YJU2: variants seen among roughly 807,000 people sequenced by gnomAD.
YJU2 encodes the protein YJU2 splicing factor homolog.
A neutral mutation model predicts 39.6 loss-of-function variants in YJU2; 28 were observed. That is an observed-to-expected ratio of 0.71 (90% CI 0.52 to 0.97). The LOEUF (loss-of-function observed/expected upper bound fraction) is 0.97, where lower values mean the gene tolerates loss of function less well. Among genes scored for constraint, YJU2 ranks in the 50% least tolerant of loss-of-function variants. The pLI is 0.00. For missense variants in YJU2, 328 were observed against 430.4 expected, an observed-to-expected ratio of 0.76 and a Z score of 2.11; for synonymous variants, 184 against 182.4, an observed-to-expected ratio of 1.01 and a Z score of -0.07.
At chr19:4,257,261 A>G (rs1314350269) in intron 4 of YJU2, among the ~76,000 whole-genome samples, 1 of 152,042 alleles carries the variant, frequency 6.6e-6, no homozygotes, top group African/African-American at 2.4e-5. Context: ...CCCGGTGTAC[A>G]GTAGGTGCTC....
chr19:4,255,627 G>A (rs969632122), intron 4 of YJU2, among the ~76,000 whole-genome samples: 6 of 151,796 alleles, frequency 4.0e-5, no homozygotes, highest in African/African-American at 1.2e-4. Context: ...TACTCGGGAG[G>A]CTGAGGCAGA....
intron 4 of YJU2, among the ~76,000 whole-genome samples, chr19:4,254,887 C>A (rs952320578): frequency 6.6e-6 from 1 of 151,922 alleles, no homozygotes; most frequent in African/African-American, 2.4e-5. Context: ...GAAACCCCGT[C>A]TCTACTAAAA....
At chr19:4,251,005 A>T in intron 2 of YJU2, 22 bp from the exon 3 acceptor site, 1 of 1,612,446 alleles carries the variant, frequency 6.2e-7, no homozygotes, top group Non-Finnish European at 8.5e-7. Flanking sequence ...GACAGCTCAC[A>T]TCCCTACATG....
intron 4 of YJU2, among the ~76,000 whole-genome samples, chr19:4,256,249 T>A (rs969888478): frequency 6.6e-6 from 1 of 150,418 alleles, no homozygotes; most frequent in Non-Finnish European, 1.5e-5. Context: ...CATATATATA[T>A]AAAACAGATT....
chr19:4,268,323 G>A (rs181892337), intron 7 of YJU2, among the ~76,000 whole-genome samples: 5 of 152,334 alleles, frequency 3.3e-5, no homozygotes, highest in Admixed American at 3.3e-4. Flanking sequence ...TGAACTTTGC[G>A]CCATTTCCAT....
intron 4 of YJU2, among the ~76,000 whole-genome samples, chr19:4,257,188 T>G (rs1352179738): frequency 1.3e-5 from 2 of 152,094 alleles, no homozygotes. Context: ...CAGTTTCCGT[T>G]TCTGTAAAAT....
At position 4,258,443 on chromosome 19, in the gene YJU2, A is replaced by C; in HGVS notation, c.587+20A>C. On this transcript the variant is annotated intron_variant, in intron 5 of 7. Transcript: ENST00000262962. ...GACCGCGTGAGTCAGGGCCGGCCCA[A>C]CCCAGCCCCACCTCGCAGCCTCTGC... The C allele has an allele frequency of 6.4e-7, 1 of 1,561,220 alleles. No individual in the cohort carries two copies. The highest frequency in any genetic ancestry group is 8.7e-7 in the Non-Finnish European group (1 of 1,153,046).
intron 6 of YJU2, among the ~76,000 whole-genome samples, chr19:4,264,967 T>C (rs1365541732): frequency 1.3e-5 from 2 of 152,178 alleles, no homozygotes; most frequent in African/African-American, 4.8e-5. Flanking sequence ...GTCCTCTGAT[T>C]AGAGTTCTCA....
At position 4,247,626 on chromosome 19, in the gene YJU2, T is replaced by C. The variant is rs1311425172; in HGVS notation, c.24+456T>C. Among the ~76,000 whole-genome samples the C allele has an allele frequency of 6.4e-3, 196 of 30,826 alleles. 19 individuals carry two copies. The highest frequency in any genetic ancestry group is 0.019 in the East Asian group (16 of 850). 20.2% of individuals were successfully genotyped at this position (30,826 alleles called of 152,430 possible). On this transcript the variant is annotated intron_variant, in intron 1 of 7. Transcript: ENST00000262962. ...GTGTGTGTGTGTGTGTGTGTGTGTG[T>C]GTGTGTGTGTGTGTGTGTGTGTGTG...
intron 5 of YJU2, among the ~76,000 whole-genome samples, chr19:4,260,759 C>T (rs997602171): frequency 2.0e-5 from 3 of 151,994 alleles, no homozygotes; most frequent in East Asian, 1.9e-4. Context: ...TGCATCTGGC[C>T]CCTTTAATCT....
intron 4 of YJU2, among the ~76,000 whole-genome samples, chr19:4,255,055 C>T (rs1971008336): frequency 2.0e-5 from 2 of 102,134 alleles, no homozygotes; most frequent in South Asian, 6.7e-4. Context: ...GATTCTGTCT[C>T]CAAAAAAAAA....
intron 6 of YJU2, among the ~76,000 whole-genome samples, chr19:4,264,261 CAAA>C (rs748910280): frequency 6.8e-5 from 3 of 43,948 alleles, no homozygotes; most frequent in Non-Finnish European, 1.3e-4. Context: ...GACTCTGTCT[CAAA>C]AAAAAAAAAA....
At chr19:4,256,687 TG>T (rs1971023988) in intron 4 of YJU2, among the ~76,000 whole-genome samples, 1 of 152,184 alleles carries the variant, frequency 6.6e-6, no homozygotes, top group Non-Finnish European at 1.5e-5. Flanking sequence ...GTCAAGGTGT[TG>T]GCCAGGGCAG....
At chr19:4,250,973 C>G in intron 2 of YJU2, 54 bp from the exon 3 acceptor site, 1 of 1,584,950 alleles carries the variant, frequency 6.3e-7, no homozygotes, top group Non-Finnish European at 8.6e-7. Flanking sequence ...GGACAGCCTG[C>G]CAGTGGGAGC....
Position 4,254,500 on chromosome 19 carries a change from G to A in YJU2, c.405+11G>A, listed in dbSNP as rs778915702. The A allele has an allele frequency of 2.5e-6, 4 of 1,573,388 alleles. No homozygotes were observed. The highest frequency in any genetic ancestry group is 3.5e-6 in the Non-Finnish European group (4 of 1,157,960). ...AACAACCCCATGAAGGTGAGTCGGG[G>A]GCCATGTAGGTGTTCATGGGCGCTG... On this transcript the variant is annotated intron_variant, in intron 4 of 7. Transcript: ENST00000262962.
intron 1 of YJU2, among the ~76,000 whole-genome samples, chr19:4,249,015 T>TG (rs1400410335): frequency 6.6e-6 from 1 of 152,172 alleles, no homozygotes; most frequent in Non-Finnish European, 1.5e-5. Flanking sequence ...GAGAATTAAA[T>TG]GCGTCCTGTA....
intron 4 of YJU2, among the ~76,000 whole-genome samples, chr19:4,257,183 T>G (rs1971028334): frequency 6.6e-6 from 1 of 152,148 alleles, no homozygotes; most frequent in Non-Finnish European, 1.5e-5. Flanking sequence ...AGCCTCAGTT[T>G]CCGTTTCTGT....
At chr19:4,253,325 C>T (rs539783141) in intron 3 of YJU2, among the ~76,000 whole-genome samples, 27 of 152,190 alleles carry the variant, frequency 1.8e-4, no homozygotes, top group African/African-American at 6.5e-4. Context: ...TGCCTGTAAT[C>T]CCGGCACTTT....
intron 5 of YJU2, among the ~76,000 whole-genome samples, chr19:4,260,818 C>T (rs1280193248): frequency 1.3e-5 from 2 of 152,022 alleles, no homozygotes; most frequent in African/African-American, 4.8e-5. Flanking sequence ...TAAGGAAGTC[C>T]CAATGGGTGC....
Sources: allele counts gnomAD v4.1 joint callset (sites outside exome capture counted in the v4.1 genomes callset), GRCh38; gene constraint gnomAD v4.1.1; transcripts MANE v1.5; gene names NCBI Gene and HGNC (gene_info 2026-07-23, HGNC 2026-07-21).